ACSF2: variants seen among roughly 807,000 people sequenced by gnomAD.
ACSF2 encodes acyl-CoA synthetase family member 2.
A neutral mutation model predicts 79.3 loss-of-function variants in ACSF2; 52 were observed. That is an observed-to-expected ratio of 0.66 (90% CI 0.53 to 0.83). The LOEUF (loss-of-function observed/expected upper bound fraction) is 0.83. Among genes scored for constraint, ACSF2 ranks in the 40% least tolerant of loss-of-function variants. The probability of loss-of-function intolerance (pLI) is 0.00; values close to 1 mark genes in which losing one functional copy is unlikely to be tolerated. For synonymous variants in ACSF2, 283 were observed against 312.6 expected, an observed-to-expected ratio of 0.91 and a Z score of 1.00; for missense variants, 661 against 803.3, an observed-to-expected ratio of 0.82 and a Z score of 2.14.
rs144081702 is a variant in ACSF2, at chr17:50,429,813, C to A, written c.128+3424C>A. On this transcript the variant is annotated intron_variant, in intron 1 of 15. Coordinates refer to ENST00000300441, the MANE Select transcript of ACSF2 (RefSeq NM_025149.6). ...GATTACAGGCGTGAGCCACCACGCC[C>A]GGCCCAGAGTCTTTCTCCCCAGAAG... 2.6e-5 allele frequency among the ~76,000 whole-genome samples: 4 copies of A among 152,308 alleles called. No homozygotes were observed. The East Asian group carries it at 7.7e-4, about 29-fold the overall frequency.
intron 1 of ACSF2, among the ~76,000 whole-genome samples, chr17:50,448,714 G>A (rs904192043): frequency 6.6e-6 from 1 of 152,178 alleles, no homozygotes; most frequent in African/African-American, 2.4e-5. Context: ...AACAAGGGTG[G>A]CATCAGTCCA....
At chr17:50,468,309 C>T in intron 10 of ACSF2, 2 of 1,613,924 alleles carry the variant, frequency 1.2e-6, no homozygotes, top group Non-Finnish European at 1.7e-6. Flanking sequence ...TCCTTGGCTC[C>T]CTGGAAGGCG....
chr17:50,460,991 A>G (rs1598419279), intron 2 of ACSF2, 119 bp downstream of exon 2: 2 of 1,268,288 alleles, frequency 1.6e-6, no homozygotes, highest in East Asian at 5.1e-5. Flanking sequence ...GCTGCCAGAG[A>G]ACCCCGAGGG....
At chr17:50,462,122 T>G (rs2032377150) in intron 4 of ACSF2, 62 bp from the exon 5 acceptor site, 2 of 1,438,706 alleles carry the variant, frequency 1.4e-6, no homozygotes, top group Non-Finnish European at 1.9e-6. Context: ...TAGTGAGGAC[T>G]CCCCCAGAGC....
chr17:50,467,606 C>A (rs576539444), intron 10 of ACSF2, among the ~76,000 whole-genome samples: 2 of 152,276 alleles, frequency 1.3e-5, no homozygotes, highest in African/African-American at 4.8e-5. Flanking sequence ...TCTTTGTGGG[C>A]CTGATCTGCC....
At chr17:50,457,921 A>G (rs1202931835) in intron 1 of ACSF2, among the ~76,000 whole-genome samples, 2 of 152,176 alleles carry the variant, frequency 1.3e-5, no homozygotes, top group East Asian at 3.9e-4. Flanking sequence ...CATCAGAATC[A>G]CATGGGATTC....
chr17:50,466,583 T>C (rs2032745222), intron 10 of ACSF2, among the ~76,000 whole-genome samples: 2 of 152,148 alleles, frequency 1.3e-5, no homozygotes, highest in Admixed American at 1.3e-4. Flanking sequence ...TGGTACACGG[T>C]GAACTTGGTC....
intron 1 of ACSF2, among the ~76,000 whole-genome samples, chr17:50,442,414 T>C (rs2030997320): frequency 2.0e-5 from 3 of 151,574 alleles, no homozygotes; most frequent in Admixed American, 2.0e-4. Flanking sequence ...CCTCCCGCCT[T>C]GGCCTCCAAA....
At chr17:50,429,927 A>G (rs542176891) in intron 1 of ACSF2, among the ~76,000 whole-genome samples, 1 of 152,298 alleles carries the variant, frequency 6.6e-6, no homozygotes, top group African/African-American at 2.4e-5. Context: ...AAGAAGGTGG[A>G]TGGCTTAGTC....
intron 1 of ACSF2, among the ~76,000 whole-genome samples, chr17:50,434,319 A>AAAT (rs751339339): frequency 3.0e-4 from 45 of 151,676 alleles, no homozygotes; most frequent in Middle Eastern, 3.2e-3. Context: ...AGCATGTCTC[A>AAAT]AATAATAATA....
intron 1 of ACSF2, among the ~76,000 whole-genome samples, chr17:50,444,343 A>G (rs1487512375): frequency 6.6e-6 from 1 of 152,136 alleles, no homozygotes; most frequent in Non-Finnish European, 1.5e-5. Flanking sequence ...ACTTGAGGTC[A>G]GGAGTTTGAG....
intron 1 of ACSF2, among the ~76,000 whole-genome samples, chr17:50,429,085 A>G (rs1242091576): frequency 6.6e-6 from 1 of 152,172 alleles, no homozygotes; most frequent in African/African-American, 2.4e-5. Context: ...TACTTACCAG[A>G]CCCTGGTTTT....
chr17:50,464,777 G>GT (rs1555611972), intron 10 of ACSF2: 27 of 331,142 alleles, frequency 8.2e-5, no homozygotes, highest in African/African-American at 5.1e-4. Flanking sequence ...CTTGGGGGGG[G>GT]GGTCTCAGCA....
intron 11 of ACSF2, 107 bp from the exon 12 acceptor site, chr17:50,472,321 A>C: frequency 7.3e-7 from 1 of 1,367,046 alleles, no homozygotes; most frequent in Non-Finnish European, 9.8e-7. Flanking sequence ...CATTCCAGGC[A>C]GTTGGGTTGG....
At chr17:50,439,079 T>A (rs2030671526) in intron 1 of ACSF2, among the ~76,000 whole-genome samples, 1 of 152,074 alleles carries the variant, frequency 6.6e-6, no homozygotes, top group Non-Finnish European at 1.5e-5. Flanking sequence ...TATGCCTTTT[T>A]TTTTTCAAGA....
chr17:50,471,098 AG>A lies in ACSF2; in HGVS notation c.1288del (p.Ala430GlnfsTer16). 6.2e-7 allele frequency: 1 copy of A among 1,614,060 alleles called. No homozygotes were observed. The highest frequency in any genetic ancestry group is 8.5e-7 in the Non-Finnish European group (1 of 1,179,990). On this transcript the variant is annotated frameshift_variant, in exon 11 of 16. Coordinates refer to ENST00000300441, the MANE Select transcript of ACSF2 (RefSeq NM_025149.6). LOFTEE classifies it high-confidence loss of function. The surrounding 1 kb of genome is among the most constrained non-coding windows in gnomAD (Gnocchi z 4.1). ...TTCCCTGAGGACACTGTGGAGCAGA[AG>A]GCAGAAAGCGTGGGCAGAATTATGC... ...AHFPEDTVEQ[K>X]AESVGRIMPH...
intron 10 of ACSF2, chr17:50,467,761 T>C (rs1021723103): frequency 9.4e-5 from 34 of 360,588 alleles, no homozygotes; most frequent in African/African-American, 6.4e-4. Context: ...TTGGAAGCAC[T>C]GGAGATGGCC....
chr17:50,472,696 C>A, intron 12 of ACSF2, 117 bp downstream of exon 12: 1 of 1,267,440 alleles, frequency 7.9e-7, no homozygotes, highest in Non-Finnish European at 1.1e-6. Context: ...GATGACCCCT[C>A]ACATGCTGGA....
At position 50,463,451 on chromosome 17, in the gene ACSF2, C is replaced by T. The variant is rs142702693; in HGVS notation, c.945C>T (p.Ser315=). The stretch of plus-strand genomic sequence containing the variant: ...ACCCCCTGTACCATTGCCTGGGTTC[C>T]GTGGCAGGCACAATGATGTGTCTGA... ...LPNPLYHCLG[S]VAGTMMCLMY... is the part of the protein sequence containing the mutation. The change falls in exon 8 of 16, where the codon TCC becomes TCT. Residue 315 remains serine, a synonymous_variant. Transcript: ENST00000300441. The surrounding 1 kb of genome is among the most constrained non-coding windows in gnomAD (Gnocchi z 4.6). 4.3e-4 allele frequency: 688 copies of T among 1,614,140 alleles called. No homozygotes were observed. The highest frequency in any genetic ancestry group is 1.2e-3 in the Middle Eastern group (7 of 6,062).
Sources: gnomAD v4.1 joint callset for allele counts (sites outside exome capture counted in the v4.1 genomes callset) on GRCh38, gnomAD v4.1.1 for gene constraint, Gnocchi (gnomAD v3.1) non-coding constraint, MANE v1.5 for transcripts, NCBI Gene and HGNC (gene_info 2026-07-23, HGNC 2026-07-21) for gene names.